ADGRB2: variants seen among roughly 807,000 people sequenced by gnomAD.
ADGRB2 encodes the protein brain-specific angiogenesis inhibitor 2.
ADGRB2 carries 47 observed loss-of-function variants against 178.7 expected under a neutral mutation model. The observed-to-expected ratio is 0.26, with a 90% CI of 0.21 to 0.34. ADGRB2 has a LOEUF of 0.34. Among genes scored for constraint, ADGRB2 ranks in the 10% least tolerant of loss-of-function variants. ADGRB2 has a pLI of 1.00. For synonymous variants in ADGRB2, 870 were observed against 912.4 expected (o/e 0.95, Z 0.84); for missense variants, 1,584 against 2,180.8 (o/e 0.73, Z 5.45).
intron 4 of ADGRB2, among the ~76,000 whole-genome samples, chr1:31,748,204 G>A (rs1212539862): frequency 1.3e-5 from 2 of 152,202 alleles, no homozygotes; most frequent in African/African-American, 4.8e-5. Context: ...AGTGGGTTGG[G>A]GTCAGTGGTT....
Position 31,754,604 on chromosome 1 carries a change from C to T in ADGRB2, c.838+1395G>A, listed in dbSNP as rs886859483. On this transcript the variant is annotated intron_variant, in intron 4 of 32. Coordinates refer to ENST00000373658, the MANE Select transcript of ADGRB2 (RefSeq NM_001364857.2). The surrounding 1 kb of genome is among the most constrained non-coding windows in gnomAD (Gnocchi z 5.7). ...TCACTCGGACGGCTTCATTGACCGC[C>T]GTTAGAGGCCAAGCTAGCCTGGGAG... Among the ~76,000 whole-genome samples the T allele has an allele frequency of 1.3e-5, 2 of 152,244 alleles. No homozygotes were observed. The highest frequency in any genetic ancestry group is 1.9e-4 in the East Asian group (1 of 5,200).
rs1361902907 is a variant in ADGRB2, at chr1:31,754,650, C to T, written c.838+1349G>A. ...GGGAGAGAGGCCACAGCAAAGCCAC[C>T]GGGCACTTGCCGTGGATGGGCACGA... On this transcript the variant is annotated intron_variant, in intron 4 of 32. Transcript: ENST00000373658. The surrounding 1 kb of genome is among the most constrained non-coding windows in gnomAD (Gnocchi z 5.7). 6.6e-5 allele frequency among the ~76,000 whole-genome samples: 10 copies of T among 152,232 alleles called. No homozygotes were observed. The highest frequency in any genetic ancestry group is 8.8e-5 in the Non-Finnish European group (6 of 68,040).
At position 31,727,387 on chromosome 1, in the gene ADGRB2, T is replaced by C; in HGVS notation, c.*33A>G. The C allele has an allele frequency of 6.4e-7, 1 of 1,559,672 alleles. No individual in the cohort carries two copies. The highest frequency in any genetic ancestry group is 8.6e-7 in the Non-Finnish European group (1 of 1,161,470). ...GAGTGTGAAAATAGAGAGATATATATATTTATATGCAGTGGGCAGTCCAGC... is the reference window on the plus strand; with the variant it reads ...GAGTGTGAAAATAGAGAGATATATACATTTATATGCAGTGGGCAGTCCAGC... On this transcript the variant is annotated 3_prime_UTR_variant, in exon 33 of 33. Coordinates refer to ENST00000373658, the MANE Select transcript of ADGRB2 (RefSeq NM_001364857.2). The surrounding 1 kb of genome is among the most constrained non-coding windows in gnomAD (Gnocchi z 4.4).
chr1:31,740,191 C>A lies in ADGRB2; in HGVS notation c.1990-13G>T. Reference sequence around the variant, plus strand: ...CCTGGAAGAAGCGCTGAGGAGAGAGCAATGAGTGGCAGGGGGTCCTAGCCC... The same window carrying A: ...CCTGGAAGAAGCGCTGAGGAGAGAGAAATGAGTGGCAGGGGGTCCTAGCCC... On this transcript the variant is annotated splice_polypyrimidine_tract_variant and intron_variant, in intron 12 of 32. Coordinates refer to ENST00000373658, the MANE Select transcript of ADGRB2 (RefSeq NM_001364857.2). The surrounding 1 kb of genome is among the most constrained non-coding windows in gnomAD (Gnocchi z 5.9). 4 of 1,614,046 alleles carry A rather than the reference C, an allele frequency of 2.5e-6. No homozygotes were observed. Among genetic ancestry groups the A allele is most frequent in the Non-Finnish European group, 3.4e-6 (4 of 1,180,012 alleles).
Position 31,741,527 on chromosome 1 carries a change from C to G in ADGRB2, c.1688-48G>C, listed in dbSNP as rs1285233772. 2 of 1,584,310 alleles carry G rather than the reference C, an allele frequency of 1.3e-6. No homozygotes were observed. Among genetic ancestry groups the G allele is most frequent in the Non-Finnish European group, 8.6e-7 (1 of 1,162,350 alleles). ...TCTGGGCATGGGGGCCGAGCTCTCA[C>G]CCACACTCCTCCGTATCTCAGAGAG... On this transcript the variant is annotated intron_variant, in intron 10 of 32. Transcript: ENST00000373658. This position sits in a 1 kb window ranked among gnomAD's most constrained non-coding sequence, Gnocchi z 6.5.
chr1:31,731,966 C>T (rs922050524), intron 28 of ADGRB2, 149 bp downstream of exon 28: 62 of 977,086 alleles, frequency 6.3e-5, no homozygotes, highest in Non-Finnish European at 9.2e-5. Flanking sequence ...AAGGGACATT[C>T]GCAGCCTTGC....
rs746345254 is a variant in ADGRB2, at chr1:31,735,817, G to A, written c.3267+10C>T. The A allele has an allele frequency of 1.5e-5, 24 of 1,608,926 alleles. No homozygotes were observed. The highest frequency in any genetic ancestry group is 1.3e-4 in the Admixed American group (8 of 59,314). The stretch of plus-strand genomic sequence containing the variant: ...CCATGCCCCTTCCAAGATGCTGAAC[G>A]GGCACATACCAGGACAATGACGGCT... On this transcript the variant is annotated intron_variant, in intron 23 of 32. Coordinates refer to ENST00000373658, the MANE Select transcript of ADGRB2 (RefSeq NM_001364857.2). The surrounding 1 kb of genome is among the most constrained non-coding windows in gnomAD (Gnocchi z 6.0).
intron 4 of ADGRB2, among the ~76,000 whole-genome samples, chr1:31,746,757 C>T (rs1646295228): frequency 1.3e-5 from 2 of 152,182 alleles, no homozygotes; most frequent in South Asian, 4.1e-4. Context: ...AGGCCAGCCC[C>T]GTGGCCTGGG....
intron 4 of ADGRB2, among the ~76,000 whole-genome samples, chr1:31,746,879 C>T (rs545158354): frequency 2.5e-4 from 38 of 152,346 alleles, no homozygotes; most frequent in African/African-American, 8.9e-4. Flanking sequence ...ATCCAGGCCT[C>T]CTTCGCTCTC....
chr1:31,740,532 G>T lies in ADGRB2; in HGVS notation c.1804C>A (p.His602Asn). 6.2e-7 allele frequency: 1 copy of T among 1,603,394 alleles called. No homozygotes were observed. Among genetic ancestry groups the T allele is most frequent in the East Asian group, 2.2e-5 (1 of 44,710 alleles). ...AGCATGCGCTGCCCCTTGGCCAGGT[G>T]CTCCCTAAGCTGTAGGTGATGAGGG... is the stretch of plus-strand genomic sequence containing the variant. The part of the protein sequence containing the change: ...YRYLYLSLRE[H>N]LAKGQRMLAG... The change falls in exon 12 of 33, where the codon CAC becomes AAC. Residue 602 changes from histidine (H) to asparagine (N), a missense_variant. By Grantham distance (68) the His-to-Asn change is moderately conservative. Transcript: ENST00000373658. The surrounding 1 kb of genome is among the most constrained non-coding windows in gnomAD (Gnocchi z 5.9).
Position 31,741,569 on chromosome 1 carries a change from G to A in ADGRB2, c.1687+55C>T. 1 of 1,603,564 alleles carries A rather than the reference G, an allele frequency of 6.2e-7. No individual in the cohort carries two copies. The highest frequency in any genetic ancestry group is 8.5e-7 in the Non-Finnish European group (1 of 1,172,536). On this transcript the variant is annotated intron_variant, in intron 10 of 32. Coordinates refer to ENST00000373658, the MANE Select transcript of ADGRB2 (RefSeq NM_001364857.2). This position sits in a 1 kb window ranked among gnomAD's most constrained non-coding sequence, Gnocchi z 6.5. ...CTCAGAGAGGCTGGGGGCGCAGAAG[G>A]GGGCAATGAGAATGGCAGGGGTGGT...
At chr1:31,729,344 C>A (rs540704024) in intron 29 of ADGRB2, among the ~76,000 whole-genome samples, 1 of 152,318 alleles carries the variant, frequency 6.6e-6, no homozygotes, top group Non-Finnish European at 1.5e-5. Flanking sequence ...GGACCACCAT[C>A]TGGATCTCCC....
In ADGRB2 at chr1:31,739,355, G is replaced by A. The variant is rs139108389; in HGVS notation, c.2448C>T (p.Ile816=). 4,698 of 1,497,114 alleles carry A rather than the reference G, an allele frequency of 3.1e-3. 18 individuals are homozygous for A. Among genetic ancestry groups the A allele is most frequent in the Admixed American group, 6.0e-3 (269 of 44,506 alleles). The allele number at this position is 1,497,114 out of a possible 1,614,324, so 92.7% of individuals were successfully genotyped here. The change falls in exon 15 of 33, where the codon ATC becomes ATT. Residue 816 remains isoleucine, a synonymous_variant. Transcript: ENST00000373658. ...CAAGGGTGCGGTAGAGTACAGCACC[G>A]ATCACAAAGTAGGAGGACTCATCAG... is the stretch of plus-strand genomic sequence containing the variant. The part of the protein sequence containing the change: ...ADPDESSYFV[I]GAVLYRTLGL...
Position 31,741,230 on chromosome 1 carries a change from AG to A in ADGRB2, c.1794+142del. On this transcript the variant is annotated intron_variant, in intron 11 of 32. Transcript: ENST00000373658. This position sits in a 1 kb window ranked among gnomAD's most constrained non-coding sequence, Gnocchi z 6.5. ...CTTGAGGTATGAGTAGGAGCTTGCC[AG>A]ACAAGGAGAGGCACAGCCAGGCAGA... The A allele has an allele frequency of 2.5e-6, 2 of 816,168 alleles. No individual in the cohort carries two copies. The highest frequency in any genetic ancestry group is 3.9e-6 in the Non-Finnish European group (2 of 513,060). 50.6% of individuals were successfully genotyped at this position (816,168 alleles called of 1,614,324 possible).
At chr1:31,763,526 A>G (rs74065924) in intron 1 of ADGRB2, among the ~76,000 whole-genome samples, 12,084 of 145,002 alleles carry the variant, frequency 0.083, 1,538 homozygotes, top group African/African-American at 0.27. Context: ...GGTGGGGGGC[A>G]CACTGCCCGG....
chr1:31,764,070 C>A lies in ADGRB2; in HGVS notation c.-377G>T, dbSNP rs1570118961. 1 of 82,788 alleles carries A rather than the reference C, an allele frequency of 1.2e-5. No homozygotes were observed. The highest frequency in any genetic ancestry group is 3.6e-4 in the East Asian group (1 of 2,746). 5.1% of individuals were successfully genotyped at this position (82,788 alleles called of 1,614,324 possible). A position where few individuals can be genotyped will look rare whatever the true frequency, so the allele number is the denominator to read the frequency against. ...AAAGGCGCCGCGGAGCAGCGCGGGG[C>A]GGGCGGGCGGGCGGCGCCGGGCCGG... On this transcript the variant is annotated 5_prime_UTR_variant, in exon 1 of 33. Coordinates refer to ENST00000373658, the MANE Select transcript of ADGRB2 (RefSeq NM_001364857.2). This position sits in a 1 kb window ranked among gnomAD's most constrained non-coding sequence, Gnocchi z 7.3.
Position 31,753,104 on chromosome 1 carries a change from C to T in ADGRB2, c.838+2895G>A, listed in dbSNP as rs950950692. Among the ~76,000 whole-genome samples, 4 of 152,314 alleles carry T rather than the reference C, an allele frequency of 2.6e-5. No individual in the cohort carries two copies. Among genetic ancestry groups the T allele is most frequent in the Middle Eastern group, 3.4e-3 (1 of 294 alleles). On this transcript the variant is annotated intron_variant, in intron 4 of 32. Coordinates refer to ENST00000373658, the MANE Select transcript of ADGRB2 (RefSeq NM_001364857.2). The surrounding 1 kb of genome is among the most constrained non-coding windows in gnomAD (Gnocchi z 4.1). The stretch of plus-strand genomic sequence containing the variant: ...TCCTCAGGATTAGAGGGTCAGTGGG[C>T]AGGAACTGCAGGCTGGCACTGGCCA...
In ADGRB2 at chr1:31,738,547, G is replaced by A. The variant is rs763058304; in HGVS notation, c.2645+40C>T. ...ACCCCTTTCTGGCAAAGGGCCCTAG[G>A]GCTGCTCCCTTCCTCACCCAGAGGA... On this transcript the variant is annotated intron_variant, in intron 17 of 32. Transcript: ENST00000373658. 1.6e-5 allele frequency: 25 copies of A among 1,587,056 alleles called. No individual in the cohort carries two copies. In the South Asian group the frequency reaches 2.2e-4, roughly 14 times the overall value.
Position 31,732,529 on chromosome 1 carries a change from C to G in ADGRB2, c.3708G>C (p.Gln1236His), listed in dbSNP as rs779053387. ...EDSPDSCKNGQLQILSDFEKD... is the reference protein window; with the variant it reads ...EDSPDSCKNGHLQILSDFEKD... ...GCCCCTAACTCACCAGGATCTGCAGCTGCCCGTTCTTACACGAGTCAGGGG... is the reference window on the plus strand; with the variant it reads ...GCCCCTAACTCACCAGGATCTGCAGGTGCCCGTTCTTACACGAGTCAGGGG... The change falls in exon 27 of 33, where the codon CAG (glutamine) becomes CAC (histidine). Residue 1236 changes from glutamine (Q) to histidine (H), a missense_variant. By Grantham distance (24) the Gln-to-His change is conservative (BLOSUM62 0). Transcript: ENST00000373658. 1 of 1,614,182 alleles carries G rather than the reference C, an allele frequency of 6.2e-7. No individual in the cohort carries two copies. The highest frequency in any genetic ancestry group is 8.5e-7 in the Non-Finnish European group (1 of 1,180,040).
Sources: gnomAD v4.1 joint callset for allele counts (sites outside exome capture counted in the v4.1 genomes callset) on GRCh38, gnomAD v4.1.1 for gene constraint, Gnocchi (gnomAD v3.1) non-coding constraint, MANE v1.5 for transcripts, NCBI Gene and HGNC (gene_info 2026-07-23, HGNC 2026-07-21) for gene names.